PRR16: variants seen among roughly 807,000 people sequenced by gnomAD.
The protein encoded by PRR16 is proline rich 16.
A neutral mutation model predicts 18.2 loss-of-function variants in PRR16; 6 were observed. That is an observed-to-expected ratio of 0.33 (90% CI 0.18 to 0.65). The LOEUF is 0.65. Among genes scored for constraint, PRR16 ranks in the 30% least tolerant of loss-of-function variants. The probability of loss-of-function intolerance (pLI) is 0.74; values close to 1 mark genes in which losing one functional copy is unlikely to be tolerated. For synonymous variants in PRR16, 151 were observed against 147.8 expected (o/e 1.02, Z -0.16); for missense variants, 412 against 376.6 (o/e 1.09, Z -0.78).
the PRR16 span, among the ~76,000 whole-genome samples, chr5:120,754,247 T>TTATAATATATAATATAATATATAATTAGA: frequency 1.1e-4 from 3 of 26,520 alleles, no homozygotes; most frequent in African/African-American, 2.9e-4. Context: ...TAATTAGATA[T>TTATAATATATAATATAATATATAATTAGA]TATAATATAA....
At chr5:120,662,231 C>G (rs778281132) in intron 1 of PRR16, among the ~76,000 whole-genome samples, 1 of 151,986 alleles carries the variant, frequency 6.6e-6, no homozygotes, top group African/African-American at 2.4e-5. Flanking sequence ...TTGAAATGAT[C>G]TTTATTTAAT....
chr5:120,583,327 G>A (rs1321278262), intron 1 of PRR16, among the ~76,000 whole-genome samples: 2 of 151,840 alleles, frequency 1.3e-5, no homozygotes, highest in African/African-American at 4.8e-5. Flanking sequence ...GTGTGTGTGT[G>A]TGTGTGTGTG....
intron 1 of PRR16, among the ~76,000 whole-genome samples, chr5:120,472,420 T>C (rs975317884): frequency 1.3e-5 from 2 of 152,104 alleles, no homozygotes; most frequent in Non-Finnish European, 2.9e-5. Flanking sequence ...CATCAGTGGT[T>C]CTTAATAGTC....
intron 1 of PRR16, among the ~76,000 whole-genome samples, chr5:120,532,566 T>C (rs1170698375): frequency 6.6e-6 from 1 of 152,128 alleles, no homozygotes; most frequent in Non-Finnish European, 1.5e-5. Context: ...TTTCTGGTTT[T>C]GAGAATTTTC....
the PRR16 span, among the ~76,000 whole-genome samples, chr5:120,718,219 TC>T: frequency 4.6e-5 from 7 of 152,146 alleles, no homozygotes; most frequent in Admixed American, 3.3e-4. Flanking sequence ...ATTTACCATT[TC>T]TGTGGCCCTA....
chr5:120,586,283 AAG>A (rs1378664736), intron 1 of PRR16, among the ~76,000 whole-genome samples: 3 of 152,222 alleles, frequency 2.0e-5, no homozygotes, highest in Non-Finnish European at 2.9e-5. Flanking sequence ...GTCTTAAAAA[AAG>A]AGAGACCTAA....
chr5:120,642,010 G>T (rs1253292331), intron 1 of PRR16, among the ~76,000 whole-genome samples: 6 of 151,990 alleles, frequency 3.9e-5, no homozygotes, highest in Non-Finnish European at 2.9e-5. Context: ...GGTGCCTTCT[G>T]TAGCCTTCCT....
At chr5:120,589,632 A>C (rs1016085372) in intron 1 of PRR16, among the ~76,000 whole-genome samples, 4 of 152,088 alleles carry the variant, frequency 2.6e-5, no homozygotes, top group Non-Finnish European at 5.9e-5. Flanking sequence ...CACTTCTTAC[A>C]TGGTGGTGGC....
the PRR16 span, among the ~76,000 whole-genome samples, chr5:120,701,997 A>G: frequency 2.6e-5 from 4 of 152,084 alleles, no homozygotes; most frequent in Admixed American, 2.0e-4. Flanking sequence ...TCAGGTGTGA[A>G]TGGAAGAGGT....
intron 1 of PRR16, among the ~76,000 whole-genome samples, chr5:120,607,179 T>C (rs1754181909): frequency 6.6e-6 from 1 of 152,196 alleles, no homozygotes; most frequent in African/African-American, 2.4e-5. Context: ...CAGTAAAATG[T>C]ACCCATAATT....
intron 1 of PRR16, among the ~76,000 whole-genome samples, chr5:120,661,238 C>T (rs138484253): frequency 0.01 from 1,596 of 152,182 alleles, 19 homozygotes; most frequent in Non-Finnish European, 0.013. Flanking sequence ...ATATGACTTT[C>T]TTGGGTCACA....
the PRR16 span, among the ~76,000 whole-genome samples, chr5:120,769,559 A>G: frequency 6.6e-6 from 1 of 151,826 alleles, no homozygotes; most frequent in Non-Finnish European, 1.5e-5. Context: ...TTTAAAGGTC[A>G]AGTAATATTT....
intron 1 of PRR16, among the ~76,000 whole-genome samples, chr5:120,493,978 A>T (rs751174572): frequency 4.6e-5 from 7 of 152,178 alleles, no homozygotes; most frequent in Non-Finnish European, 1.0e-4. Context: ...ACTATTATTA[A>T]CAAAGCCACT....
At chr5:120,639,951 A>G (rs1297682069) in intron 1 of PRR16, among the ~76,000 whole-genome samples, 1 of 152,072 alleles carries the variant, frequency 6.6e-6, no homozygotes, top group East Asian at 1.9e-4. Flanking sequence ...ATGGAATACT[A>G]TGCAACCATT....
chr5:120,502,552 G>A (rs1206007143), intron 1 of PRR16, among the ~76,000 whole-genome samples: 1 of 152,010 alleles, frequency 6.6e-6, no homozygotes, highest in Non-Finnish European at 1.5e-5. Context: ...TATAATGGAA[G>A]GATAACCGAT....
At chr5:120,531,039 C>G (rs1751534546) in intron 1 of PRR16, among the ~76,000 whole-genome samples, 1 of 152,158 alleles carries the variant, frequency 6.6e-6, no homozygotes, top group South Asian at 2.1e-4. Flanking sequence ...CACTGGCAGC[C>G]TCTTCTTTCT....
the PRR16 span, among the ~76,000 whole-genome samples, chr5:120,726,687 TG>T: frequency 6.6e-6 from 1 of 152,230 alleles, no homozygotes; most frequent in African/African-American, 2.4e-5. Flanking sequence ...TACTTGCTTT[TG>T]GTTTTACTCA....
At chr5:120,756,990 A>T in the PRR16 span, among the ~76,000 whole-genome samples, 2 of 152,030 alleles carry the variant, frequency 1.3e-5, no homozygotes, top group Admixed American at 6.6e-5. Context: ...TAGTTTTTGT[A>T]TATGGGGACA....
intron 1 of PRR16, among the ~76,000 whole-genome samples, chr5:120,603,475 T>A (rs1754051522): frequency 1.3e-5 from 2 of 152,076 alleles, no homozygotes; most frequent in South Asian, 4.1e-4. Flanking sequence ...TAGCTAGCAG[T>A]CTATCAATCT....
Sources: gnomAD v4.1 joint callset for allele counts (sites outside exome capture counted in the v4.1 genomes callset) on GRCh38, gnomAD v4.1.1 for gene constraint, MANE v1.5 for transcripts, NCBI Gene and HGNC (gene_info 2026-07-23, HGNC 2026-07-21) for gene names.